ZNF480: variants seen among roughly 807,000 people sequenced by gnomAD.
ZNF480 encodes the protein zinc finger protein 480.
ZNF480 carries 15 observed loss-of-function variants against 14.4 expected under a neutral mutation model. That is an observed-to-expected ratio of 1.04 (90% CI 0.70 to 1.60). The LOEUF is 1.60. ZNF480 is among the 40% of genes most tolerant of loss of function. The pLI is 0.00. For synonymous variants in ZNF480, 218 were observed against 215.5 expected, an observed-to-expected ratio of 1.01 and a Z score of -0.10; for missense variants, 593 against 629.7, an observed-to-expected ratio of 0.94 and a Z score of 0.62.
intron 4 of ZNF480, among the ~76,000 whole-genome samples, chr19:52,316,261 C>T (rs1983553982): frequency 7.1e-6 from 1 of 141,804 alleles, no homozygotes; most frequent in Admixed American, 7.3e-5. Flanking sequence ...GAATTTTGCT[C>T]TATTGCCCGG....
At chr19:52,305,468 G>C (rs1309298273) in intron 2 of ZNF480, among the ~76,000 whole-genome samples, 2 of 152,138 alleles carry the variant, frequency 1.3e-5, no homozygotes, top group Non-Finnish European at 2.9e-5. Flanking sequence ...CTTGTTCGTA[G>C]CACAGGAGCT....
At chr19:52,314,721 T>C (rs1206183536) in intron 3 of ZNF480, among the ~76,000 whole-genome samples, 2 of 151,706 alleles carry the variant, frequency 1.3e-5, no homozygotes, top group African/African-American at 4.8e-5. Context: ...GGAGAATCTC[T>C]TGAACCCGGG....
In ZNF480 at chr19:52,323,625, G is replaced by A. The variant is rs1348678322; in HGVS notation, c.*767G>A. ...CATTATCAAGCAGGCTTTAGTGTTG[G>A]GCTGCAAGGTTGGTTCAGTATACAC... On this transcript the variant is annotated 3_prime_UTR_variant, in exon 5 of 5. Transcript: ENST00000595962. 3 of 152,044 alleles carry A rather than the reference G, an allele frequency of 2.0e-5. No individual in the cohort carries two copies. The highest frequency in any genetic ancestry group is 4.4e-5 in the Non-Finnish European group (3 of 68,018). 9.4% of individuals were successfully genotyped at this position (152,044 alleles called of 1,614,324 possible). A position where few individuals can be genotyped will look rare whatever the true frequency, so the allele number is the denominator to read the frequency against.
intron 2 of ZNF480, chr19:52,300,759 A>AT (rs1982654121): frequency 3.9e-6 from 2 of 509,816 alleles, no homozygotes; most frequent in Middle Eastern, 1.1e-3. Context: ...GGTTTGACCC[A>AT]CATATTTATT....
At chr19:52,298,636 A>G (rs1028062362) in intron 1 of ZNF480, among the ~76,000 whole-genome samples, 43 of 141,950 alleles carry the variant, frequency 3.0e-4, no homozygotes, top group South Asian at 6.7e-4. Flanking sequence ...CGTCTCAGGG[A>G]AAAAAAAAAA....
At chr19:52,316,146 ATTTT>A (rs896229211) in intron 4 of ZNF480, among the ~76,000 whole-genome samples, 184 bp downstream of exon 4, 6 of 151,908 alleles carry the variant, frequency 3.9e-5, no homozygotes, top group African/African-American at 1.5e-4. Context: ...TAAATAAATA[ATTTT>A]TTTGTTTATT....
intron 2 of ZNF480, 132 bp from the exon 3 acceptor site, chr19:52,314,021 C>A: frequency 2.0e-6 from 2 of 1,021,924 alleles, no homozygotes; most frequent in African/African-American, 1.7e-5. Flanking sequence ...ATAACTACAT[C>A]ACAGATACCT....
intron 4 of ZNF480, among the ~76,000 whole-genome samples, chr19:52,316,563 T>A (rs1310031053): frequency 6.6e-6 from 1 of 152,096 alleles, no homozygotes; most frequent in East Asian, 1.9e-4. Flanking sequence ...GGTCTTGCTA[T>A]GTTGATTTTG....
chr19:52,323,580 A>C lies in ZNF480; in HGVS notation c.*722A>C, dbSNP rs1425701952. On this transcript the variant is annotated 3_prime_UTR_variant, in exon 5 of 5. Transcript: ENST00000595962. ...ATACTAGTAAACCAAATCCATCTGC[A>C]CATCAAAAAGCTAATCCAACATTAT... 1 of 152,160 alleles carries C rather than the reference A, an allele frequency of 6.6e-6. No homozygotes were observed. The highest frequency in any genetic ancestry group is 2.4e-5 in the African/African-American group (1 of 41,442). 9.4% of individuals were successfully genotyped at this position (152,160 alleles called of 1,614,324 possible).
chr19:52,314,257 C>G lies in ZNF480; in HGVS notation c.177C>G (p.Asn59Lys), dbSNP rs1286403940. 6.4e-7 allele frequency: 1 copy of G among 1,569,548 alleles called. No individual in the cohort carries two copies. Among genetic ancestry groups the G allele is most frequent in the Admixed American group, 1.7e-5 (1 of 57,860 alleles). Residue 59 changes from asparagine (N) to lysine (K), a missense_variant, in exon 3 of 5, where the codon AAC becomes AAG. Coordinates refer to ENST00000595962, the MANE Select transcript of ZNF480 (RefSeq NM_144684.4). ...RALYKDVMLE[N>K]YRNLVSLGIS... is the part of the protein sequence containing the mutation. ...TATACAAGGATGTGATGTTGGAGAACTACAGGAACCTGGTCTCCCTGGGTG... is the reference window on the plus strand; with the variant it reads ...TATACAAGGATGTGATGTTGGAGAAGTACAGGAACCTGGTCTCCCTGGGTG...
chr19:52,323,156 C>T lies in ZNF480; in HGVS notation c.*298C>T, dbSNP rs1405727560. 1 of 267,866 alleles carries T rather than the reference C, an allele frequency of 3.7e-6. No homozygotes were observed. The highest frequency in any genetic ancestry group is 2.2e-5 in the African/African-American group (1 of 44,750). 16.6% of individuals were successfully genotyped at this position (267,866 alleles called of 1,614,324 possible). ...CAACCCCACAGAAATACGAAAAACC[C>T]TCAAAGATTACTATAAACACCTGTA... On this transcript the variant is annotated 3_prime_UTR_variant, in exon 5 of 5. Coordinates refer to ENST00000595962, the MANE Select transcript of ZNF480 (RefSeq NM_144684.4).
At chr19:52,302,857 G>T (rs1982761000) in intron 2 of ZNF480, among the ~76,000 whole-genome samples, 1 of 152,208 alleles carries the variant, frequency 6.6e-6, no homozygotes. Context: ...GTTAAATTGT[G>T]AAAGTGTCTG....
intron 4 of ZNF480, among the ~76,000 whole-genome samples, chr19:52,318,822 G>C (rs1213345217): frequency 6.6e-6 from 1 of 151,810 alleles, no homozygotes; most frequent in African/African-American, 2.4e-5. Context: ...ATTCTACCAA[G>C]TATTTGAGGG....
chr19:52,314,010 C>A, intron 2 of ZNF480, 143 bp from the exon 3 acceptor site: 2 of 917,922 alleles, frequency 2.2e-6, no homozygotes, highest in Non-Finnish European at 1.6e-6. Flanking sequence ...TTTACAGACA[C>A]ATAACTACAT....
rs1213860197 is a variant in ZNF480 at position 52,322,623 on chromosome 19, G to A, written c.1373G>A (p.Ser458Asn). ...IHTGEKPYKC[S>N]ECGKAFRHKL... ...ACTGGAGAGAAGCCTTACAAATGTA[G>A]TGAATGTGGCAAGGCATTCAGACAC... The change falls in exon 5 of 5, where the codon AGT becomes AAT. Residue 458 changes from serine to asparagine, a missense_variant. Transcript: ENST00000595962. 6.2e-7 allele frequency: 1 copy of A among 1,613,374 alleles called. No individual in the cohort carries two copies. The highest frequency in any genetic ancestry group is 1.1e-5 in the South Asian group (1 of 91,050).
chr19:52,324,244 G>A lies in ZNF480; in HGVS notation c.*1386G>A, dbSNP rs1983988218. On this transcript the variant is annotated 3_prime_UTR_variant, in exon 5 of 5. Coordinates refer to ENST00000595962, the MANE Select transcript of ZNF480 (RefSeq NM_144684.4). ...CCTAGGAATACAGCCAACCAGGTAA[G>A]TGAAAGATTTCTACAATGAGAATTA... 1 of 152,172 alleles carries A rather than the reference G, an allele frequency of 6.6e-6. No homozygotes were observed. Among genetic ancestry groups the A allele is most frequent in the Non-Finnish European group, 1.5e-5 (1 of 68,034 alleles). 9.4% of individuals were successfully genotyped at this position (152,172 alleles called of 1,614,324 possible).
chr19:52,304,395 T>C (rs572158319), intron 2 of ZNF480, among the ~76,000 whole-genome samples: 4 of 152,330 alleles, frequency 2.6e-5, no homozygotes, highest in Admixed American at 2.0e-4. Context: ...GTGATTTTTT[T>C]CTTAATAACA....
intron 2 of ZNF480, chr19:52,301,845 G>T (rs1201796704): frequency 6.5e-6 from 1 of 152,892 alleles, no homozygotes; most frequent in Non-Finnish European, 1.5e-5. Context: ...AAGCTTTACA[G>T]GTATCCATAC....
At chr19:52,320,783 C>T (rs544653594) in intron 4 of ZNF480, among the ~76,000 whole-genome samples, 2 of 152,084 alleles carry the variant, frequency 1.3e-5, no homozygotes, top group Non-Finnish European at 2.9e-5. Context: ...AAGAGCAAAA[C>T]TCCATCTTAA....
Sources: allele counts gnomAD v4.1 joint callset (sites outside exome capture counted in the v4.1 genomes callset), GRCh38; gene constraint gnomAD v4.1.1; transcripts MANE v1.5; gene names NCBI Gene and HGNC (gene_info 2026-07-23, HGNC 2026-07-21).